The following CSMD1 variants were observed in gnomAD, a reference collection of about 807,000 sequenced individuals.
CSMD1 encodes CUB and sushi domain-containing protein 1.
A neutral mutation model predicts 417.5 loss-of-function variants in CSMD1; 213 were observed. That is an observed-to-expected ratio of 0.51 (90% CI 0.46 to 0.57). The LOEUF is 0.57. Ranked by LOEUF, CSMD1 falls within the 20% of genes least tolerant of loss-of-function variation. The pLI, the probability that CSMD1 is intolerant of heterozygous loss-of-function variation, is 0.00. For missense variants in CSMD1, 6,923 were observed against 4,529.7 expected, an observed-to-expected ratio of 1.53 and a Z score of -15.17; for synonymous variants, 2,862 against 1,736.8, an observed-to-expected ratio of 1.65 and a Z score of -16.11.
At chr8:3,515,483 T>G (rs1473891358) in intron 10 of CSMD1, 1 of 148,176 alleles carries the variant, frequency 6.7e-6, no homozygotes, top group African/African-American at 2.6e-5. Flanking sequence ...TTTCCTTGTT[T>G]GTTCACAAGT....
At chr8:3,439,580 G>A (rs1050281298) in intron 12 of CSMD1, among the ~76,000 whole-genome samples, 1 of 150,842 alleles carries the variant, frequency 6.6e-6, no homozygotes, top group African/African-American at 2.4e-5. Flanking sequence ...GTTTGAAAAT[G>A]TTATCTTCCA....
At chr8:4,169,379 G>A (rs187261477) in intron 3 of CSMD1, among the ~76,000 whole-genome samples, 21 of 152,020 alleles carry the variant, frequency 1.4e-4, no homozygotes, top group Middle Eastern at 3.4e-3. Flanking sequence ...ACTTCCTCAG[G>A]CCAAAAAACA....
intron 12 of CSMD1, among the ~76,000 whole-genome samples, chr8:3,456,854 G>C (rs934662506): frequency 6.6e-6 from 1 of 152,046 alleles, no homozygotes; most frequent in Admixed American, 6.5e-5. Context: ...TGAAACCCGA[G>C]CCCAGGTCTC....
intron 1 of CSMD1, among the ~76,000 whole-genome samples, chr8:4,750,582 A>G (rs2117046705): frequency 6.6e-6 from 1 of 152,228 alleles, no homozygotes; most frequent in African/African-American, 2.4e-5. Flanking sequence ...TTTATAAGTA[A>G]TTCTGAGTGG....
chr8:4,479,215 T>C (rs1256452485), intron 2 of CSMD1, among the ~76,000 whole-genome samples: 1 of 152,200 alleles, frequency 6.6e-6, no homozygotes, highest in East Asian at 1.9e-4. Flanking sequence ...CCTGAGAAGA[T>C]ACCCCTGGAA....
At chr8:4,226,019 T>C (rs967863937) in intron 3 of CSMD1, among the ~76,000 whole-genome samples, 2 of 151,936 alleles carry the variant, frequency 1.3e-5, no homozygotes, top group Non-Finnish European at 2.9e-5. Context: ...CCCATGAATA[T>C]TTAGTTTTAC....
chr8:4,622,369 G>C (rs377105594), intron 2 of CSMD1, among the ~76,000 whole-genome samples: 22 of 152,196 alleles, frequency 1.4e-4, no homozygotes, highest in Non-Finnish European at 2.9e-4. Flanking sequence ...AGTCCAGCAC[G>C]AGTGCCAGCT....
intron 1 of CSMD1, among the ~76,000 whole-genome samples, chr8:4,919,983 C>A (rs1421251317): frequency 6.6e-6 from 1 of 152,112 alleles, no homozygotes; most frequent in East Asian, 1.9e-4. Context: ...GCCTCCAGAA[C>A]CATGAGAAAT....
chr8:4,142,722 A>C (rs941412539), intron 3 of CSMD1, among the ~76,000 whole-genome samples: 1 of 151,106 alleles, frequency 6.6e-6, no homozygotes, highest in Non-Finnish European at 1.5e-5. Context: ...TAGAGGCCAG[A>C]CCTGACACAA....
chr8:4,173,229 T>C (rs765871692), intron 3 of CSMD1, among the ~76,000 whole-genome samples: 3 of 152,178 alleles, frequency 2.0e-5, no homozygotes, highest in Non-Finnish European at 4.4e-5. Context: ...AACTCTTTAA[T>C]GCAAGCTTGT....
chr8:4,874,744 A>G (rs1199958533), intron 1 of CSMD1, among the ~76,000 whole-genome samples: 6 of 151,540 alleles, frequency 4.0e-5, no homozygotes, highest in Admixed American at 3.3e-4. Context: ...ACCTTAAGTT[A>G]TATAGATGGA....
intron 6 of CSMD1, among the ~76,000 whole-genome samples, chr8:3,731,365 T>A (rs1585148127): frequency 1.3e-5 from 2 of 152,140 alleles, no homozygotes. Context: ...TTAGTGGAAG[T>A]TCAGGCTAAT....
chr8:3,165,738 G>C lies in CSMD1; in HGVS notation c.5726-3461C>G, dbSNP rs536840515. ...GTTTTTTGTTGGTAAAGGTGTGTCA[G>C]ATGCAGGGGCAGAAGACAGCTAGGC... On this transcript the variant is annotated intron_variant, in intron 37 of 69. Coordinates refer to ENST00000635120, the MANE Select transcript of CSMD1 (RefSeq NM_033225.6). Among the ~76,000 whole-genome samples, 3 of 152,258 alleles carry C rather than the reference G, an allele frequency of 2.0e-5. No individual in the cohort carries two copies. In the South Asian group the frequency reaches 6.2e-4, roughly 32 times the overall value.
intron 42 of CSMD1, among the ~76,000 whole-genome samples, chr8:3,117,471 C>G (rs1044024840): frequency 2.0e-5 from 3 of 152,168 alleles, no homozygotes; most frequent in Non-Finnish European, 4.4e-5. Flanking sequence ...CCCCTTTTCC[C>G]CACAGGATAC....
intron 3 of CSMD1, among the ~76,000 whole-genome samples, chr8:4,332,589 ACACACACACACACACAC>A (rs1799931351): frequency 6.9e-6 from 1 of 145,340 alleles, no homozygotes; most frequent in Non-Finnish European, 1.5e-5. Flanking sequence ...ACACACACAC[ACACACACACACACACAC>A]AGAGTCATAT....
At chr8:3,842,273 T>G (rs1803189535) in intron 5 of CSMD1, among the ~76,000 whole-genome samples, 1 of 152,134 alleles carries the variant, frequency 6.6e-6, no homozygotes, top group African/African-American at 2.4e-5. Context: ...ATTCCCAATC[T>G]TCTTATGAGG....
intron 3 of CSMD1, among the ~76,000 whole-genome samples, chr8:4,415,379 C>T (rs1299178443): frequency 1.3e-5 from 2 of 152,162 alleles, no homozygotes; most frequent in African/African-American, 2.4e-5. Flanking sequence ...GTCTCTCTTC[C>T]TTGAGACCTT....
chr8:4,773,169 T>TC (rs1796682639), intron 1 of CSMD1, among the ~76,000 whole-genome samples: 1 of 152,202 alleles, frequency 6.6e-6, no homozygotes, highest in South Asian at 2.1e-4. Flanking sequence ...TCTGAAATGT[T>TC]CCTGTGAGCA....
chr8:4,504,745 T>C (rs1585176229), intron 2 of CSMD1, among the ~76,000 whole-genome samples: 1 of 152,160 alleles, frequency 6.6e-6, no homozygotes, highest in Non-Finnish European at 1.5e-5. Context: ...TGGTTTTCTG[T>C]TCCTGTGTTA....
Sources: gnomAD v4.1 joint callset for allele counts (sites outside exome capture counted in the v4.1 genomes callset) on GRCh38, gnomAD v4.1.1 for gene constraint, MANE v1.5 for transcripts, NCBI Gene and HGNC (gene_info 2026-07-23, HGNC 2026-07-21) for gene names.